PRKACB: variants seen among roughly 807,000 people sequenced by gnomAD.
The protein encoded by PRKACB is cAMP-dependent protein kinase catalytic subunit beta.
A neutral mutation model predicts 51.4 loss-of-function variants in PRKACB; 16 were observed. The observed-to-expected ratio is 0.31, with a 90% CI of 0.21 to 0.47. The LOEUF is 0.47. Ranked by LOEUF, PRKACB falls within the 20% of genes least tolerant of loss-of-function variation. The probability of loss-of-function intolerance (pLI) is 1.00; values close to 1 mark genes in which losing one functional copy is unlikely to be tolerated. For synonymous variants in PRKACB, 147 were observed against 154.4 expected (o/e 0.95, Z 0.35); for missense variants, 309 against 464.5 (o/e 0.67, Z 3.08).
chr1:84,175,835 G>A (rs1204964663), intron 1 of PRKACB: 2 of 1,498,816 alleles, frequency 1.3e-6, no homozygotes, highest in African/African-American at 1.4e-5. Context: ...AGAATGCAAT[G>A]TGATAGACTA....
At chr1:84,116,876 G>A (rs1056897509) in intron 1 of PRKACB, among the ~76,000 whole-genome samples, 1 of 152,090 alleles carries the variant, frequency 6.6e-6, no homozygotes, top group African/African-American at 2.4e-5. Context: ...AGTTAAAGTG[G>A]GCATCCTGGT....
chr1:84,103,900 A>G (rs1247962080), intron 1 of PRKACB, among the ~76,000 whole-genome samples: 2 of 152,206 alleles, frequency 1.3e-5, no homozygotes, highest in Non-Finnish European at 2.9e-5. Flanking sequence ...TTTGATACAT[A>G]TGTAATGTGT....
chr1:84,232,901 T>C (rs1675971786), intron 9 of PRKACB, among the ~76,000 whole-genome samples: 1 of 152,218 alleles, frequency 6.6e-6, no homozygotes, highest in Admixed American at 6.5e-5. Context: ...TTGGAGAATT[T>C]AGTCCATTTA....
intron 1 of PRKACB, among the ~76,000 whole-genome samples, chr1:84,145,285 G>A (rs1223966116): frequency 6.6e-6 from 1 of 151,958 alleles, no homozygotes; most frequent in Non-Finnish European, 1.5e-5. Flanking sequence ...TACTAGTGCC[G>A]CCATTCTACA....
intron 9 of PRKACB, among the ~76,000 whole-genome samples, chr1:84,216,779 G>C (rs929101943): frequency 1.3e-5 from 2 of 152,074 alleles, no homozygotes; most frequent in Non-Finnish European, 2.9e-5. Context: ...TAATCATGCA[G>C]CTGCTAAATA....
chr1:84,078,132 C>G (rs894525921), upstream of PRKACB: 12 of 505,132 alleles, frequency 2.4e-5, no homozygotes, highest in Non-Finnish European at 3.6e-5. Flanking sequence ...CTGCTGCTGC[C>G]GGTGCTAAGG....
At chr1:84,082,938 A>G (rs1647664846) in intron 1 of PRKACB, among the ~76,000 whole-genome samples, 1 of 152,226 alleles carries the variant, frequency 6.6e-6, no homozygotes, top group Admixed American at 6.5e-5. Context: ...TCATTTAAGA[A>G]TTAACTTATT....
At chr1:84,078,284 C>G (rs1303614112) in exon 1 of PRKACB, 3 of 1,576,366 alleles carry the variant, frequency 1.9e-6, no homozygotes, top group African/African-American at 2.7e-5. Flanking sequence ...CGGCCCCAGC[C>G]CCCCTTCCCT....
chr1:84,183,135 T>C (rs1435192321), intron 3 of PRKACB, among the ~76,000 whole-genome samples: 2 of 152,060 alleles, frequency 1.3e-5, no homozygotes, highest in Non-Finnish European at 2.9e-5. Context: ...TCTTGACTTC[T>C]GTGACTATCC....
chr1:84,184,814 T>A (rs546720638), intron 4 of PRKACB, among the ~76,000 whole-genome samples: 5 of 151,906 alleles, frequency 3.3e-5, no homozygotes, highest in East Asian at 3.9e-4. Flanking sequence ...GCATATATTA[T>A]AACGTTACTT....
At chr1:84,104,928 T>A (rs756838046) in intron 1 of PRKACB, among the ~76,000 whole-genome samples, 3 of 152,188 alleles carry the variant, frequency 2.0e-5, no homozygotes, top group Non-Finnish European at 4.4e-5. Flanking sequence ...TGAGCATATC[T>A]TTTTGACTTA....
chr1:84,176,024 C>A (rs1373486368), intron 1 of PRKACB, among the ~76,000 whole-genome samples: 3 of 151,640 alleles, frequency 2.0e-5, no homozygotes, highest in Non-Finnish European at 4.4e-5. Context: ...AGAAGAGTTA[C>A]TAATCACTGT....
chr1:84,109,000 C>T (rs1011529330), intron 1 of PRKACB, among the ~76,000 whole-genome samples: 11 of 151,982 alleles, frequency 7.2e-5, no homozygotes, highest in Non-Finnish European at 1.2e-4. Flanking sequence ...AACATGTACT[C>T]AATAAGTACT....
At chr1:84,225,625 G>A (rs770870652) in intron 9 of PRKACB, among the ~76,000 whole-genome samples, 1 of 152,040 alleles carries the variant, frequency 6.6e-6, no homozygotes, top group Admixed American at 6.6e-5. Flanking sequence ...CCTGGGGGTG[G>A]GTGTGGGACC....
At chr1:84,166,766 C>T (rs1472037907) in intron 1 of PRKACB, among the ~76,000 whole-genome samples, 3 of 151,602 alleles carry the variant, frequency 2.0e-5, no homozygotes, top group African/African-American at 4.8e-5. Context: ...GTACTTTTCT[C>T]GTTATAAGAC....
chr1:84,188,220 C>T (rs968534276), intron 5 of PRKACB, among the ~76,000 whole-genome samples: 1 of 132,126 alleles, frequency 7.6e-6, no homozygotes, highest in Non-Finnish European at 1.7e-5. Flanking sequence ...AACAATGTAA[C>T]AATGTTTTAA....
intron 7 of PRKACB, 77 bp downstream of exon 7, chr1:84,197,901 A>C: frequency 1.0e-6 from 1 of 977,514 alleles, no homozygotes; most frequent in East Asian, 2.6e-5. Flanking sequence ...AAAACAGTTT[A>C]TTGATCTAAT....
At chr1:84,199,059 GCGTATATATGCATATATGTATATATA>G in intron 7 of PRKACB, among the ~76,000 whole-genome samples, 1 of 49,806 alleles carries the variant, frequency 2.0e-5, no homozygotes, top group Non-Finnish European at 7.6e-5. Context: ...ATATATATAT[GCGTATATATGCATATATGTATATATA>G]TGCGTATATA....
chr1:84,164,261 G>T, intron 1 of PRKACB: 2 of 1,458,922 alleles, frequency 1.4e-6, no homozygotes, highest in South Asian at 1.4e-5. Context: ...AGCTATCAGC[G>T]ATCTCGGCAA....
Sources: gnomAD v4.1 joint callset for allele counts (sites outside exome capture counted in the v4.1 genomes callset) on GRCh38, gnomAD v4.1.1 for gene constraint, MANE v1.5 for transcripts, NCBI Gene and HGNC (gene_info 2026-07-23, HGNC 2026-07-21) for gene names.